The following ATAD1 variants were observed in gnomAD, a reference collection of about 807,000 sequenced individuals.
ATAD1 encodes the protein outer mitochondrial transmembrane helix translocase.
Under a neutral mutation model 42.7 loss-of-function variants are expected in ATAD1, and 18 were observed. The ratio of observed to expected loss-of-function variants is 0.42; its 90% CI spans 0.29 to 0.63. ATAD1 has a LOEUF of 0.63. ATAD1 is among the 20% of genes least tolerant of loss of function. The pLI is 0.19. For synonymous variants in ATAD1, 132 were observed against 143.1 expected, an observed-to-expected ratio of 0.92 and a Z score of 0.55; for missense variants, 294 against 440.4, an observed-to-expected ratio of 0.67 and a Z score of 2.98.
chr10:87,835,711 C>A (rs1857917482), intron 1 of ATAD1, among the ~76,000 whole-genome samples: 2 of 151,722 alleles, frequency 1.3e-5, no homozygotes, highest in Non-Finnish European at 2.9e-5. Flanking sequence ...TATTTGTTTC[C>A]TTTATTTTCT....
chr10:87,785,787 T>A (rs1050830594), intron 4 of ATAD1, among the ~76,000 whole-genome samples: 1 of 151,916 alleles, frequency 6.6e-6, no homozygotes. Context: ...ATTTTTCACA[T>A]CAAACACTTC....
chr10:87,825,753 G>A lies in ATAD1; in HGVS notation c.-13-11141C>T, dbSNP rs909887423. On this transcript the variant is annotated intron_variant, in intron 1 of 4. Coordinates refer to the ATAD1 transcript ENST00000495903. ...GTCTCGCTCTGTTGCCCAGGTTGGA[G>A]TGCAGTGTCTGGATCATAGCTCACT... is the stretch of plus-strand genomic sequence containing the variant. Among the ~76,000 whole-genome samples, 10 of 151,790 alleles carry A rather than the reference G, an allele frequency of 6.6e-5. No homozygotes were observed. The South Asian group carries it at 1.7e-3, about 25-fold the overall frequency.
At chr10:87,761,885 C>T (rs150272685) in intron 8 of ATAD1, among the ~76,000 whole-genome samples, 135 of 152,028 alleles carry the variant, frequency 8.9e-4, no homozygotes, top group African/African-American at 3.1e-3. Context: ...CTCAGCCTCC[C>T]GAGTAACTAG....
intron 2 of ATAD1, among the ~76,000 whole-genome samples, chr10:87,799,670 T>A (rs1237882542): frequency 6.6e-6 from 1 of 152,134 alleles, no homozygotes; most frequent in East Asian, 1.9e-4. Flanking sequence ...AGGTAAACAA[T>A]TAAAATAATT....
intron 8 of ATAD1, among the ~76,000 whole-genome samples, chr10:87,758,329 AC>A (rs1854321857): frequency 2.0e-5 from 3 of 152,174 alleles, no homozygotes; most frequent in Admixed American, 2.0e-4. Flanking sequence ...TAATTTCCAA[AC>A]CAATAGAGGA....
intron 4 of ATAD1, among the ~76,000 whole-genome samples, chr10:87,786,120 T>C (rs979649344): frequency 1.1e-4 from 17 of 152,176 alleles, no homozygotes; most frequent in Admixed American, 1.1e-3. Flanking sequence ...AAACCACCTG[T>C]TTGCAGATAC....
chr10:87,801,643 G>C (rs993919879), intron 2 of ATAD1, among the ~76,000 whole-genome samples: 4 of 152,066 alleles, frequency 2.6e-5, no homozygotes, highest in African/African-American at 9.7e-5. Flanking sequence ...GTGCCACAGA[G>C]ATAATAAATT....
At position 87,833,821 on chromosome 10, in the gene ATAD1, A is replaced by G. The variant is rs1857881447; in HGVS notation, c.-14+7366T>C. 2.1e-5 allele frequency among the ~76,000 whole-genome samples: 3 copies of G among 141,232 alleles called. No homozygotes were observed. In the Admixed American group the frequency reaches 2.4e-4, roughly 11 times the overall value. The allele number at this position is 141,232 out of a possible 152,430, so 92.7% of individuals were successfully genotyped here. ...CAGCTCACTGCCACCTCCGCCTCCT[A>G]GGTTCAAGCAATTCTGCTTCATCCT... On this transcript the variant is annotated intron_variant, in intron 1 of 4. Transcript: ENST00000495903.
intron 8 of ATAD1, 96 bp downstream of exon 8, chr10:87,767,577 T>G (rs181044289): frequency 7.1e-6 from 8 of 1,120,836 alleles, no homozygotes. Flanking sequence ...ATCCTTGGGG[T>G]ATATCATTCT....
At chr10:87,789,341 G>A (rs751080708) in intron 4 of ATAD1, among the ~76,000 whole-genome samples, 20 of 152,088 alleles carry the variant, frequency 1.3e-4, no homozygotes, top group Admixed American at 2.6e-4. Context: ...GGATCTGAAC[G>A]CCATAGTAAC....
At chr10:87,772,263 C>A (rs1178897070) in intron 6 of ATAD1, among the ~76,000 whole-genome samples, 4 of 151,540 alleles carry the variant, frequency 2.6e-5, no homozygotes, top group African/African-American at 9.7e-5. Context: ...CAGGCACATG[C>A]CACTGTGCCT....
chr10:87,837,652 C>T (rs1857953236), intron 1 of ATAD1, among the ~76,000 whole-genome samples: 1 of 151,972 alleles, frequency 6.6e-6, no homozygotes. Context: ...CTTTCAGTCC[C>T]ACAGCCAGAA....
At chr10:87,759,229 C>T (rs1158649022) in intron 8 of ATAD1, among the ~76,000 whole-genome samples, 3 of 152,044 alleles carry the variant, frequency 2.0e-5, no homozygotes, top group Non-Finnish European at 2.9e-5. Context: ...TACCTATACA[C>T]ATGCATTAGG....
chr10:87,836,760 G>A (rs946624102), intron 1 of ATAD1, among the ~76,000 whole-genome samples: 1 of 152,028 alleles, frequency 6.6e-6, no homozygotes, highest in African/African-American at 2.4e-5. Flanking sequence ...TCAAATATTT[G>A]GTACTACGTT....
chr10:87,761,524 G>A (rs939270461), intron 8 of ATAD1, among the ~76,000 whole-genome samples: 2 of 152,018 alleles, frequency 1.3e-5, no homozygotes, highest in Non-Finnish European at 2.9e-5. Flanking sequence ...TTCGCTGGGT[G>A]TGGTGCATGC....
chr10:87,756,998 A>T lies in ATAD1; in HGVS notation c.832-76T>A, dbSNP rs542652359. 30 of 1,253,398 alleles carry T rather than the reference A, an allele frequency of 2.4e-5. No homozygotes were observed. The South Asian group carries it at 6.1e-4, about 26-fold the overall frequency. The allele number at this position is 1,253,398 out of a possible 1,614,324, so 77.6% of individuals were successfully genotyped here. On this transcript the variant is annotated intron_variant, in intron 8 of 9. Transcript: ENST00000680024. ...AATGATACTACCAAACACCCATCTT[A>T]AAGAAAGTTAAGCATATTATAACTG...
intron 2 of ATAD1, among the ~76,000 whole-genome samples, chr10:87,812,122 C>T (rs2132053442): frequency 6.6e-6 from 1 of 152,274 alleles, no homozygotes; most frequent in Admixed American, 6.5e-5. Context: ...CAGTCTATCA[C>T]CAACAGATCT....
intron 2 of ATAD1, among the ~76,000 whole-genome samples, chr10:87,797,709 G>A (rs1856465755): frequency 6.6e-6 from 1 of 152,112 alleles, no homozygotes; most frequent in South Asian, 2.1e-4. Context: ...AGAGCTACAA[G>A]TTAGGGGTGG....
At chr10:87,786,238 T>G (rs1855827230) in intron 4 of ATAD1, among the ~76,000 whole-genome samples, 1 of 152,210 alleles carries the variant, frequency 6.6e-6, no homozygotes, top group African/African-American at 2.4e-5. Context: ...TTTTATATTG[T>G]TACACTTGGT....
Sources: gnomAD v4.1 joint callset for allele counts (sites outside exome capture counted in the v4.1 genomes callset) on GRCh38, gnomAD v4.1.1 for gene constraint, MANE v1.5 for transcripts, NCBI Gene and HGNC (gene_info 2026-07-23, HGNC 2026-07-21) for gene names.